RAF1: variants seen among roughly 807,000 people sequenced by gnomAD.
RAF1 encodes RAF proto-oncogene serine/threonine-protein kinase.
Under a neutral mutation model 81.1 loss-of-function variants are expected in RAF1, and 27 were observed. That is an observed-to-expected ratio of 0.33 (90% CI 0.25 to 0.46). The LOEUF (loss-of-function observed/expected upper bound fraction) is 0.46, where lower values mean the gene tolerates loss of function less well. Ranked by LOEUF, RAF1 falls within the 20% of genes least tolerant of loss-of-function variation. The pLI, the probability that RAF1 is intolerant of heterozygous loss-of-function variation, is 1.00. For missense variants in RAF1, 598 were observed against 826.0 expected (o/e 0.72, Z 3.38); for synonymous variants, 298 against 294.0 (o/e 1.01, Z -0.14).
Position 12,599,627 on chromosome 3 carries a change from CT to C in RAF1, c.1168+63del, listed in dbSNP as rs1411256788. ...TCAGTCCTCTCCTCCTCCTGGCCCC[CT>C]GGGCTGAAACTTGACTTCACACCAA... On this transcript the variant is annotated intron_variant, in intron 11 of 17. Coordinates refer to ENST00000442415, the MANE Select transcript of RAF1 (RefSeq NM_001354689.3). 6 of 1,288,884 alleles carry C rather than the reference CT, an allele frequency of 4.7e-6. No homozygotes were observed. In the South Asian group the frequency reaches 4.7e-5, roughly 10 times the overall value. 79.8% of individuals were successfully genotyped at this position (1,288,884 alleles called of 1,614,324 possible).
Position 12,600,154 on chromosome 3 carries a change from T to C in RAF1, c.1048A>G (p.Ile350Val), listed in dbSNP as rs756942422. Residue 350 changes from isoleucine to valine, a missense_variant and splice_region_variant, in exon 10 of 18, where the codon ATT (isoleucine) becomes GTT (valine). Transcript: ENST00000442415. ...GAGGTACTGTTGTCTATACTCACAA[T>C]TTTGTTTTTCTCCTGGGTCCCAGAT... 6 of 1,614,150 alleles carry C rather than the reference T, an allele frequency of 3.7e-6. No individual in the cohort carries two copies. Among genetic ancestry groups the C allele is most frequent in the Admixed American group, 3.3e-5 (2 of 60,030 alleles).
chr3:12,594,875 G>A (rs191557788), intron 11 of RAF1, among the ~76,000 whole-genome samples: 12 of 152,222 alleles, frequency 7.9e-5, no homozygotes, highest in East Asian at 1.9e-4. Context: ...GCCAGCTCTC[G>A]TTAACACAGT....
chr3:12,618,452 G>C, intron 2 of RAF1, 63 bp downstream of exon 2: 1 of 1,545,292 alleles, frequency 6.5e-7, no homozygotes, highest in East Asian at 2.2e-5. Flanking sequence ...AGTTGAACAT[G>C]ATCCTTAATG....
At chr3:12,655,879 T>C (rs959535950) in intron 1 of RAF1, among the ~76,000 whole-genome samples, 1 of 151,752 alleles carries the variant, frequency 6.6e-6, no homozygotes, top group Non-Finnish European at 1.5e-5. Context: ...GGCAAATTCA[T>C]AGAGAGAAAG....
chr3:12,584,483 C>T lies in RAF1; in HGVS notation c.*31G>A, dbSNP rs774177281. 4.3e-6 allele frequency: 7 copies of T among 1,613,948 alleles called. No homozygotes were observed. The highest frequency in any genetic ancestry group is 5.9e-6 in the Non-Finnish European group (7 of 1,179,988). ...GGTGCCTGCTGGCTTCTCCTCCTCC[C>T]CTGGCAGCCTGAAGACAGGTGCAAA... is the stretch of plus-strand genomic sequence containing the variant. On this transcript the variant is annotated 3_prime_UTR_variant, in exon 18 of 18. Transcript: ENST00000442415.
intron 1 of RAF1, among the ~76,000 whole-genome samples, chr3:12,652,200 A>C (rs1335599738): frequency 1.3e-5 from 2 of 151,210 alleles, no homozygotes; most frequent in Admixed American, 6.6e-5. Context: ...TGGGAGACAG[A>C]GCAAGACTCC....
intron 6 of RAF1, among the ~76,000 whole-genome samples, chr3:12,605,721 A>G (rs2059007907): frequency 6.6e-6 from 1 of 152,234 alleles, no homozygotes; most frequent in South Asian, 2.1e-4. Flanking sequence ...AAACTCAGAG[A>G]CACATGAGAA....
intron 2 of RAF1, among the ~76,000 whole-genome samples, chr3:12,617,602 C>T (rs766281277): frequency 3.9e-5 from 6 of 152,030 alleles, no homozygotes; most frequent in Non-Finnish European, 7.4e-5. Context: ...GTTTTGTTAT[C>T]AGGCTGGGCG....
Position 12,587,932 on chromosome 3 carries a change from C to T in RAF1, c.1431-295G>A, listed in dbSNP as rs538066384. 321 of 232,186 alleles carry T rather than the reference C, an allele frequency of 1.4e-3. 1 individual carries two copies. The highest frequency in any genetic ancestry group is 7.4e-3 in the African/African-American group (310 of 41,726). 14.4% of individuals were successfully genotyped at this position (232,186 alleles called of 1,614,324 possible). ...AGTGATCCTCCCACCTCCCAGTAGC[C>T]GGGACCACAGGCATGTGCCACCATG... On this transcript the variant is annotated intron_variant, in intron 13 of 17. Transcript: ENST00000442415.
At chr3:12,615,787 C>T (rs2059352243) in intron 2 of RAF1, among the ~76,000 whole-genome samples, 1 of 152,130 alleles carries the variant, frequency 6.6e-6, no homozygotes, top group Non-Finnish European at 1.5e-5. Context: ...TGCAGTGGCT[C>T]ATGTCTGTAA....
At chr3:12,632,407 T>C (rs1032437586) in intron 1 of RAF1, among the ~76,000 whole-genome samples, 2 of 152,186 alleles carry the variant, frequency 1.3e-5, no homozygotes, top group Non-Finnish European at 2.9e-5. Context: ...TGTCTGTTTT[T>C]TTCTGATCTT....
intron 1 of RAF1, among the ~76,000 whole-genome samples, chr3:12,639,506 C>T (rs1176799189): frequency 1.6e-4 from 24 of 152,184 alleles, no homozygotes; most frequent in Middle Eastern, 3.4e-3. Context: ...CTTAAGCTGA[C>T]AGGCAACTTC....
At chr3:12,616,918 T>C (rs1008569958) in intron 2 of RAF1, among the ~76,000 whole-genome samples, 1 of 152,188 alleles carries the variant, frequency 6.6e-6, no homozygotes, top group Non-Finnish European at 1.5e-5. Context: ...TTATCCATAA[T>C]AGTAGAAAAC....
chr3:12,601,034 AG>A (rs2058846904), intron 8 of RAF1, among the ~76,000 whole-genome samples: 1 of 152,192 alleles, frequency 6.6e-6, no homozygotes, highest in South Asian at 2.1e-4. Context: ...TTAAAAAGCC[AG>A]GGTGGGGAGG....
At chr3:12,615,501 G>A (rs1279264307) in intron 2 of RAF1, among the ~76,000 whole-genome samples, 1 of 152,160 alleles carries the variant, frequency 6.6e-6, no homozygotes, top group African/African-American at 2.4e-5. Context: ...ACCTGGGGAG[G>A]AGTAAAAAGA....
Position 12,594,935 on chromosome 3 carries a change from C to A in RAF1, c.1169-3143G>T, listed in dbSNP as rs183496281. On this transcript the variant is annotated intron_variant, in intron 11 of 17. Transcript: ENST00000442415. ...TCTTATGAAATCCAGAAGGAATGTT[C>A]TATACTGCAGCATTCCCCTCATTTA... Among the ~76,000 whole-genome samples, 247 of 152,308 alleles carry A rather than the reference C, an allele frequency of 1.6e-3. 4 individuals carry two copies. Among genetic ancestry groups the A allele is most frequent in the Non-Finnish European group, 4.6e-4 (31 of 68,018 alleles).
intron 1 of RAF1, among the ~76,000 whole-genome samples, chr3:12,628,801 G>A (rs868084857): frequency 2.1e-4 from 31 of 150,192 alleles, no homozygotes; most frequent in African/African-American, 7.3e-4. Flanking sequence ...GGCCAGGCTA[G>A]AGGGCAGTGG....
At chr3:12,606,689 G>A (rs1365677849) in intron 5 of RAF1, among the ~76,000 whole-genome samples, 1 of 151,798 alleles carries the variant, frequency 6.6e-6, no homozygotes, top group Non-Finnish European at 1.5e-5. Flanking sequence ...ACACCACCAT[G>A]CCCAGCTAAT....
At chr3:12,594,191 G>A (rs1010999441) in intron 11 of RAF1, among the ~76,000 whole-genome samples, 7 of 152,142 alleles carry the variant, frequency 4.6e-5, no homozygotes, top group African/African-American at 1.7e-4. Flanking sequence ...TGGGGACTCA[G>A]AAAGAAGGGA....
Sources: gnomAD v4.1 joint callset for allele counts (sites outside exome capture counted in the v4.1 genomes callset) on GRCh38, gnomAD v4.1.1 for gene constraint, MANE v1.5 for transcripts, NCBI Gene and HGNC (gene_info 2026-07-23, HGNC 2026-07-21) for gene names.